The following XYLT1 variants were observed in gnomAD, a reference collection of about 807,000 sequenced individuals.
The protein encoded by XYLT1 is beta-D-xylosyltransferase 1.
XYLT1 carries 36 observed loss-of-function variants against 91.3 expected under a neutral mutation model. That is an observed-to-expected ratio of 0.39 (90% CI 0.30 to 0.52). The LOEUF (loss-of-function observed/expected upper bound fraction) is 0.52. Among genes scored for constraint, XYLT1 ranks in the 20% least tolerant of loss-of-function variants. The pLI is 0.68. For missense variants in XYLT1, 1,242 were observed against 1,284.5 expected (o/e 0.97, Z 0.51); for synonymous variants, 588 against 532.0 (o/e 1.11, Z -1.45).
At chr16:17,214,619 C>CATATCAT (rs1205267213) in intron 3 of XYLT1, among the ~76,000 whole-genome samples, 19 of 152,156 alleles carry the variant, frequency 1.2e-4, no homozygotes, top group African/African-American at 4.6e-4. Flanking sequence ...ATATGCCAGG[C>CATATCAT]AGGCACCATT....
chr16:17,392,032 G>A (rs530730855), intron 1 of XYLT1, among the ~76,000 whole-genome samples: 34 of 152,168 alleles, frequency 2.2e-4, no homozygotes, highest in Admixed American at 1.6e-3. Context: ...TCTTTATTTC[G>A]CAGCATGAGA....
In XYLT1 at chr16:17,259,145, G is replaced by T; in HGVS notation, c.756C>A (p.Asp252Glu). The T allele has an allele frequency of 6.3e-7, 1 of 1,595,436 alleles. No individual in the cohort carries two copies. Among genetic ancestry groups the T allele is most frequent in the Non-Finnish European group, 8.5e-7 (1 of 1,170,578 alleles). The change falls in exon 3 of 12, where the codon GAC becomes GAA. Residue 252 changes from aspartate to glutamate, a missense_variant. Physicochemically the swap from Asp to Glu is conservative, Grantham distance 45. Coordinates refer to ENST00000261381, the MANE Select transcript of XYLT1 (RefSeq NM_022166.4). ...TGGSSPETKY[D>E]QPPKCDISGK... ...CTGAGATGTCACACTTAGGGGGCTG[G>T]TCATACTTGGTCTCGGGGGAGCTGC...
At chr16:17,250,407 T>C (rs539844199) in intron 3 of XYLT1, 6 of 152,362 alleles carry the variant, frequency 3.9e-5, no homozygotes, top group African/African-American at 1.2e-4. Context: ...CATAAATGAC[T>C]TGAACTGAAG....
chr16:17,172,507 T>C (rs1052694072), intron 5 of XYLT1, among the ~76,000 whole-genome samples: 7 of 149,618 alleles, frequency 4.7e-5, no homozygotes, highest in Non-Finnish European at 8.9e-5. Context: ...GTCTCGCTCT[T>C]GTTGCCCAGG....
chr16:17,387,255 G>A (rs901002174), intron 1 of XYLT1, among the ~76,000 whole-genome samples: 11 of 152,056 alleles, frequency 7.2e-5, no homozygotes, highest in East Asian at 5.8e-4. Context: ...CTCTATTCCC[G>A]AAAGGTGGGC....
At chr16:17,316,102 A>C (rs1378798600) in intron 2 of XYLT1, among the ~76,000 whole-genome samples, 2 of 152,124 alleles carry the variant, frequency 1.3e-5, no homozygotes, top group Admixed American at 6.5e-5. Flanking sequence ...CTCACAACAC[A>C]AACTATTCTC....
At chr16:17,274,174 A>AG (rs780695397) in intron 2 of XYLT1, among the ~76,000 whole-genome samples, 14 of 152,162 alleles carry the variant, frequency 9.2e-5, no homozygotes, top group Non-Finnish European at 1.3e-4. Flanking sequence ...AGCCTCCCAA[A>AG]GTGCTGGGAT....
intron 1 of XYLT1, among the ~76,000 whole-genome samples, chr16:17,457,319 T>A (rs1322507535): frequency 6.6e-6 from 1 of 152,236 alleles, no homozygotes; most frequent in Non-Finnish European, 1.5e-5. Context: ...ATCGCTGCTT[T>A]CTAGCACCCA....
chr16:17,245,096 C>A (rs748750469), intron 3 of XYLT1, among the ~76,000 whole-genome samples: 6 of 152,188 alleles, frequency 3.9e-5, no homozygotes, highest in Non-Finnish European at 5.9e-5. Flanking sequence ...CACACAAGTG[C>A]CACTGCTCAG....
rs753887357 is a variant in XYLT1 at position 17,127,720 on chromosome 16, T to A, written c.2169A>T (p.Lys723Asn). The change falls in exon 10 of 12, where the codon AAA (lysine) becomes AAT (asparagine). Residue 723 changes from lysine (K) to asparagine (N), a missense_variant. Lys to Asn is a moderately conservative substitution (Grantham distance 94, BLOSUM62 0). Around this residue, in one of 3 missense-constraint regions of XYLT1, gnomAD observed 511 missense variants for 497.0 expected, o/e 1.03. Transcript: ENST00000261381. Reference sequence around the variant, plus strand: ...TGGGTGGGCTTGCGATCTTGAAGACTTTTTTCGGCATCACCCAGGTCTCCA... The same window carrying A: ...TGGGTGGGCTTGCGATCTTGAAGACATTTTTCGGCATCACCCAGGTCTCCA... Reference protein sequence around the residue: ...ETLETWVMPKKVFKIASPPSD... With the variant: ...ETLETWVMPKNVFKIASPPSD... 4 of 1,614,144 alleles carry A rather than the reference T, an allele frequency of 2.5e-6. No individual in the cohort carries two copies. Among genetic ancestry groups the A allele is most frequent in the Admixed American group, 1.7e-5 (1 of 60,024 alleles).
Position 17,379,761 on chromosome 16 carries a change from T to TCACACACACA in XYLT1, c.364-21712_364-21711insTGTGTGTGTG, listed in dbSNP as rs1466780792. 4.7e-3 allele frequency among the ~76,000 whole-genome samples: 554 copies of TCACACACACA among 117,660 alleles called. 7 individuals carry two copies. Among genetic ancestry groups the TCACACACACA allele is most frequent in the African/African-American group, 0.02 (527 of 26,118 alleles). The allele number at this position is 117,660 out of a possible 152,430, so 77.2% of individuals were successfully genotyped here. ...CTCTCTCTCTCTCTCTCTCTCTCTC[T>TCACACACACA]CTCACACACACACACACACACACAC... On this transcript the variant is annotated intron_variant, in intron 1 of 11. Coordinates refer to ENST00000261381, the MANE Select transcript of XYLT1 (RefSeq NM_022166.4).
intron 3 of XYLT1, among the ~76,000 whole-genome samples, chr16:17,222,576 C>T (rs1281950984): frequency 1.3e-5 from 2 of 151,970 alleles, no homozygotes; most frequent in Admixed American, 6.6e-5. Flanking sequence ...GATCACTTGA[C>T]GTCACGAGTT....
chr16:17,148,114 C>T (rs1334794665), intron 6 of XYLT1, among the ~76,000 whole-genome samples: 1 of 152,230 alleles, frequency 6.6e-6, no homozygotes, highest in Non-Finnish European at 1.5e-5. Flanking sequence ...CCAGTTTCCT[C>T]ATCTGTAAGA....
At chr16:17,415,882 T>C (rs936831207) in intron 1 of XYLT1, among the ~76,000 whole-genome samples, 6 of 152,142 alleles carry the variant, frequency 3.9e-5, no homozygotes, top group South Asian at 2.1e-4. Flanking sequence ...TCCCTGATCA[T>C]GGATCAAGAA....
chr16:17,409,628 C>A (rs2036082174), intron 1 of XYLT1, among the ~76,000 whole-genome samples: 2 of 149,576 alleles, frequency 1.3e-5, no homozygotes, highest in Admixed American at 1.4e-4. Context: ...CGGCTCACTG[C>A]AACCTCTGCC....
At chr16:17,176,364 C>A (rs1288726833) in intron 5 of XYLT1, among the ~76,000 whole-genome samples, 1 of 152,232 alleles carries the variant, frequency 6.6e-6, no homozygotes, top group Non-Finnish European at 1.5e-5. Flanking sequence ...CAGCTTCATC[C>A]TTACAGTAAA....
At chr16:17,142,107 A>C (rs761307680) in intron 6 of XYLT1, among the ~76,000 whole-genome samples, 5 of 152,102 alleles carry the variant, frequency 3.3e-5, no homozygotes, top group Non-Finnish European at 7.4e-5. Flanking sequence ...GGATCTTACT[A>C]TGTTGCCTAG....
Position 17,381,421 on chromosome 16 carries a change from CTT to C in XYLT1, c.364-23373_364-23372del, listed in dbSNP as rs11299875. On this transcript the variant is annotated intron_variant, in intron 1 of 11. Transcript: ENST00000261381. The stretch of plus-strand genomic sequence containing the variant: ...AAAAAGAACAAATAAAAGGCAACAC[CTT>C]TTTTTTTTTTTTTTTTTTTGAAATG... Among the ~76,000 whole-genome samples, 108 of 130,116 alleles carry C rather than the reference CTT, an allele frequency of 8.3e-4. 1 individual carries two copies. In the South Asian group the frequency reaches 0.013, roughly 16 times the overall value. The allele number at this position is 130,116 out of a possible 152,430, so 85.4% of individuals were successfully genotyped here. A position where few individuals can be genotyped will look rare whatever the true frequency, so the allele number is the denominator to read the frequency against.
intron 9 of XYLT1, among the ~76,000 whole-genome samples, chr16:17,129,468 G>T (rs1324612901): frequency 1.3e-5 from 2 of 152,082 alleles, no homozygotes; most frequent in Non-Finnish European, 2.9e-5. Flanking sequence ...CACCATGTTG[G>T]CCAGGCTGGT....
Sources: gnomAD v4.1 joint callset for allele counts (sites outside exome capture counted in the v4.1 genomes callset) on GRCh38, gnomAD v4.1.1 for gene constraint, gnomAD v4.1.1 regional missense constraint, MANE v1.5 for transcripts, NCBI Gene and HGNC (gene_info 2026-07-23, HGNC 2026-07-21) for gene names.